The following CACNB1 variants were observed in gnomAD, a reference collection of about 807,000 sequenced individuals.
The protein encoded by CACNB1 is calcium voltage-gated channel auxiliary subunit beta 1.
In CACNB1, 29 loss-of-function variants were observed where a neutral mutation model predicts 71.6. The observed-to-expected ratio is 0.40, with a 90% confidence interval of 0.30 to 0.55. The LOEUF (loss-of-function observed/expected upper bound fraction) is 0.55. Among genes scored for constraint, CACNB1 ranks in the 20% least tolerant of loss-of-function variants. The probability of loss-of-function intolerance (pLI) is 0.38; values close to 1 mark genes in which losing one functional copy is unlikely to be tolerated. For missense variants in CACNB1, 623 were observed against 801.8 expected (o/e 0.78, Z 2.69); for synonymous variants, 300 against 319.6 (o/e 0.94, Z 0.65).
In CACNB1 at chr17:39,184,347, A is replaced by G. The variant is rs1465671720; in HGVS notation, c.766T>C (p.Leu256=). ...DMMQKALFDF[L]KHRFDGRISI... Reference sequence around the variant, plus strand: ...TACCTGCCATCAAACCGATGCTTCAAGAAGTCAAATAAAGCTTTCTGCATC... The same window carrying G: ...TACCTGCCATCAAACCGATGCTTCAGGAAGTCAAATAAAGCTTTCTGCATC... Residue 256 remains leucine (L), a synonymous_variant, in exon 9 of 14, where the codon TTG becomes CTG. Transcript: ENST00000394303. The G allele has an allele frequency of 4.6e-6, 7 of 1,517,466 alleles. No homozygotes were observed. The highest frequency in any genetic ancestry group is 6.2e-6 in the Non-Finnish European group (7 of 1,125,060). 94.0% of individuals were successfully genotyped at this position (1,517,466 alleles called of 1,614,324 possible).
At position 39,184,867 on chromosome 17, in the gene CACNB1, G is replaced by T. The variant is rs561555595; in HGVS notation, c.649-3C>A. 9.5e-5 allele frequency: 146 copies of T among 1,529,514 alleles called. No homozygotes were observed. Among genetic ancestry groups the T allele is most frequent in the Admixed American group, 9.0e-4 (54 of 59,740 alleles). 94.7% of individuals were successfully genotyped at this position (1,529,514 alleles called of 1,614,324 possible). On this transcript the variant is annotated splice_polypyrimidine_tract_variant and splice_region_variant and intron_variant, in intron 7 of 13. Coordinates refer to ENST00000394303, the MANE Select transcript of CACNB1 (RefSeq NM_000723.5). ...TCATAGGGGGGCACATGCTCTGTCT[G>T]GGGGGGGAAGCAGGGAGGGGAAACC... is the stretch of plus-strand genomic sequence containing the variant.
At chr17:39,177,174 C>G in intron 13 of CACNB1, 176 bp downstream of exon 13, 1 of 1,446,826 alleles carries the variant, frequency 6.9e-7, no homozygotes, top group Non-Finnish European at 9.1e-7. Flanking sequence ...AAAGCTCTTC[C>G]CTTCCTCCTC....
chr17:39,179,476 G>A (rs2144096970), intron 11 of CACNB1, among the ~76,000 whole-genome samples: 1 of 151,662 alleles, frequency 6.6e-6, no homozygotes, highest in South Asian at 2.1e-4. Context: ...AGCTACTTGG[G>A]AGGCTGAGGC....
Position 39,186,210 on chromosome 17 carries a change from AAAAG to A in CACNB1, c.628+282_628+285del, listed in dbSNP as rs1567803739. On this transcript the variant is annotated intron_variant, in intron 6 of 13. Coordinates refer to ENST00000394303, the MANE Select transcript of CACNB1 (RefSeq NM_000723.5). This position sits in a 1 kb window ranked among gnomAD's most constrained non-coding sequence, Gnocchi z 4.1. ...AGAACGCAGGGATGGGGATGGGGAA[AAAAG>A]AAAGAAGAAGAGGTGAATGGAACAG... 7.4e-6 allele frequency: 7 copies of A among 948,068 alleles called. No individual in the cohort carries two copies. In the Admixed American group the frequency reaches 8.5e-5, roughly 11 times the overall value. 58.7% of individuals were successfully genotyped at this position (948,068 alleles called of 1,614,324 possible). A position where few individuals can be genotyped will look rare whatever the true frequency, so the allele number is the denominator to read the frequency against.
chr17:39,178,149 G>A, intron 11 of CACNB1, 70 bp from the exon 12 acceptor site: 1 of 1,146,288 alleles, frequency 8.7e-7, no homozygotes, highest in Non-Finnish European at 1.3e-6. Flanking sequence ...CAGAGAGGCG[G>A]GTCCTGGTTG....
intron 7 of CACNB1, 79 bp from the exon 8 acceptor site, chr17:39,184,943 A>G: frequency 1.8e-6 from 2 of 1,138,424 alleles, no homozygotes; most frequent in Non-Finnish European, 1.3e-6. Flanking sequence ...AGGCTCCCCC[A>G]TGCAGCCTTC....
At chr17:39,195,974 C>A (rs1271133047) in intron 1 of CACNB1, among the ~76,000 whole-genome samples, 1 of 152,182 alleles carries the variant, frequency 6.6e-6, no homozygotes, top group East Asian at 1.9e-4. Flanking sequence ...ATTTCCAGTC[C>A]TCTTGTAAGA....
intron 7 of CACNB1, 101 bp downstream of exon 7, chr17:39,185,030 G>A (rs1233021613): frequency 8.7e-7 from 1 of 1,144,360 alleles, no homozygotes; most frequent in Non-Finnish European, 1.3e-6. Context: ...AACCAGGAAG[G>A]GTGGGGGAAA....
In CACNB1 at chr17:39,187,461, C is replaced by T. The variant is rs1567805882; in HGVS notation, c.414+18G>A. 6.2e-7 allele frequency: 1 copy of T among 1,613,544 alleles called. No homozygotes were observed. Among genetic ancestry groups the T allele is most frequent in the Non-Finnish European group, 8.5e-7 (1 of 1,179,640 alleles). ...GTCTCCTGGCACCCACTTCCCTGCC[C>T]TCCCTCCAGATACCCACCTCCTTGA... On this transcript the variant is annotated intron_variant, in intron 4 of 13. Coordinates refer to ENST00000394303, the MANE Select transcript of CACNB1 (RefSeq NM_000723.5).
At chr17:39,188,020 C>CAAA (rs2045982616) in intron 3 of CACNB1, among the ~76,000 whole-genome samples, 2 of 151,806 alleles carry the variant, frequency 1.3e-5, no homozygotes, top group Non-Finnish European at 2.9e-5. Context: ...TTCAAAACAA[C>CAAA]AACAACAACA....
Position 39,184,810 on chromosome 17 carries a change from C to A in CACNB1, c.703G>T (p.Val235Leu). 6.2e-7 allele frequency: 1 copy of A among 1,612,554 alleles called. No individual in the cohort carries two copies. The highest frequency in any genetic ancestry group is 1.1e-5 in the South Asian group (1 of 91,038). Residue 235 changes from valine to leucine, a missense_variant, in exon 8 of 14, where the codon GTG becomes TTG. Coordinates refer to ENST00000394303, the MANE Select transcript of CACNB1 (RefSeq NM_000723.5). ...VVPSMRPIILVGPSLKGYEVT... is the reference protein window; with the variant it reads ...VVPSMRPIILLGPSLKGYEVT... The stretch of plus-strand genomic sequence containing the variant: ...TCGTAGCCCTTGAGCGACGGTCCCA[C>A]CAGGATGATGGGCCTCATGGAAGGC...
Position 39,184,837 on chromosome 17 carries a change from C to CATG in CACNB1, c.675_676insCAT (p.Val225_Val226insHis), listed in dbSNP as rs1225916179. 6.2e-7 allele frequency: 1 copy of CATG among 1,611,950 alleles called. No homozygotes were observed. The highest frequency in any genetic ancestry group is 8.5e-7 in the Non-Finnish European group (1 of 1,178,346). On this transcript the variant is annotated inframe_insertion, in exon 8 of 14. Coordinates refer to ENST00000394303, the MANE Select transcript of CACNB1 (RefSeq NM_000723.5). ...AGGATGATGGGCCTCATGGAAGGCA[C>CATG]CACGTCATAGGGGGGCACATGCTCT...
At position 39,184,060 on chromosome 17, in the gene CACNB1, A is replaced by C. The variant is rs1432762354; in HGVS notation, c.869T>G (p.Ile290Ser). ...VLNNPSKHII[I>S]ERSNTRSSLA... ...GCTGGAGCGTGTGTTGGAGCGCTCAATGATGATGTGTTTGCTGGGGTTGTT... is the reference window on the plus strand; with the variant it reads ...GCTGGAGCGTGTGTTGGAGCGCTCACTGATGATGTGTTTGCTGGGGTTGTT... Residue 290 changes from isoleucine to serine, a missense_variant, in exon 10 of 14, where the codon ATT becomes AGT. Transcript: ENST00000394303. 1.2e-6 allele frequency: 2 copies of C among 1,613,442 alleles called. No individual in the cohort carries two copies. The highest frequency in any genetic ancestry group is 1.7e-6 in the Non-Finnish European group (2 of 1,179,616).
At chr17:39,183,667 C>T in intron 11 of CACNB1, 46 bp downstream of exon 11, 1 of 1,480,894 alleles carries the variant, frequency 6.8e-7, no homozygotes, top group Non-Finnish European at 9.0e-7. Flanking sequence ...CCAAGCAGCC[C>T]TTTCAAACCA....
At position 39,186,976 on chromosome 17, in the gene CACNB1, C is replaced by A. The variant is rs1174685649; in HGVS notation, c.415-47G>T. 2.5e-6 allele frequency: 4 copies of A among 1,600,948 alleles called. No homozygotes were observed. In the South Asian group the frequency reaches 4.4e-5, roughly 18 times the overall value. Reference sequence around the variant, plus strand: ...GGTGGAAAGAGCAAGAGGGAAACTGCAGGGGCAAGCTAGCAGTCACTCTCT... The same window carrying A: ...GGTGGAAAGAGCAAGAGGGAAACTGAAGGGGCAAGCTAGCAGTCACTCTCT... On this transcript the variant is annotated intron_variant, in intron 4 of 13. Transcript: ENST00000394303. The surrounding 1 kb of genome is among the most constrained non-coding windows in gnomAD (Gnocchi z 4.1).
intron 11 of CACNB1, 118 bp downstream of exon 11, chr17:39,183,595 G>A: frequency 3.5e-6 from 3 of 846,204 alleles, no homozygotes; most frequent in Non-Finnish European, 5.4e-6. Flanking sequence ...TACAGAGAAG[G>A]AAACTAAGAC....
intron 2 of CACNB1, chr17:39,193,370 C>T (rs1248427172): frequency 8.2e-5 from 32 of 392,350 alleles, no homozygotes; most frequent in Non-Finnish European, 1.6e-5. Context: ...TGGAGACACG[C>T]TGGAGTAAAG....
intron 1 of CACNB1, 76 bp from the exon 2 acceptor site, chr17:39,195,046 C>G (rs1597719861): frequency 9.8e-7 from 1 of 1,022,336 alleles, no homozygotes; most frequent in East Asian, 2.4e-5. Context: ...AGCCCCAGAG[C>G]TACAGCCAAG....
intron 3 of CACNB1, among the ~76,000 whole-genome samples, chr17:39,191,010 C>T (rs180830106): frequency 6.5e-4 from 98 of 151,840 alleles, no homozygotes; most frequent in African/African-American, 2.2e-3. Flanking sequence ...CGAGACCATC[C>T]TGGCTAACAT....
Sources: gnomAD v4.1 joint callset for allele counts (sites outside exome capture counted in the v4.1 genomes callset) on GRCh38, gnomAD v4.1.1 for gene constraint, Gnocchi (gnomAD v3.1) non-coding constraint, MANE v1.5 for transcripts, NCBI Gene and HGNC (gene_info 2026-07-23, HGNC 2026-07-21) for gene names.